TFEC: variants seen among roughly 807,000 people sequenced by gnomAD.
TFEC encodes the protein class E basic helix-loop-helix protein 34.
In TFEC, 31 loss-of-function variants were observed where a neutral mutation model predicts 41.6. That is an observed-to-expected ratio of 0.74 (90% CI 0.56 to 1.01). TFEC has a LOEUF of 1.01. Among genes scored for constraint, TFEC ranks in the 50% least tolerant of loss-of-function variants. The probability of loss-of-function intolerance (pLI) is 0.00; values close to 1 mark genes in which losing one functional copy is unlikely to be tolerated. For missense variants in TFEC, 402 were observed against 404.1 expected (o/e 0.99, Z 0.04); for synonymous variants, 143 against 140.6 (o/e 1.02, Z -0.12).
intron 3 of TFEC, among the ~76,000 whole-genome samples, chr7:116,060,575 G>A (rs1216605602): frequency 6.6e-6 from 1 of 152,118 alleles, no homozygotes; most frequent in Non-Finnish European, 1.5e-5. Flanking sequence ...CACGGATACA[G>A]CTGGGGGCTA....
intron 3 of TFEC, among the ~76,000 whole-genome samples, chr7:116,073,054 C>G (rs1222657904): frequency 6.6e-6 from 1 of 151,418 alleles, no homozygotes; most frequent in African/African-American, 2.4e-5. Context: ...TATACTATCT[C>G]TGTTTGTAGA....
At position 115,939,030 on chromosome 7, in the gene TFEC, A is replaced by C. The variant is rs983334220; in HGVS notation, c.*1521T>G. ...CACTTTCACTCAATTAATGCCTTTC[A>C]AAGAGAAGTCAAATTCTGCTGTTCC... On this transcript the variant is annotated 3_prime_UTR_variant, in exon 8 of 8. Transcript: ENST00000265440. The C allele has an allele frequency of 2.0e-5, 3 of 152,038 alleles. No individual in the cohort carries two copies. The highest frequency in any genetic ancestry group is 4.4e-5 in the Non-Finnish European group (3 of 67,950). 9.4% of individuals were successfully genotyped at this position (152,038 alleles called of 1,614,324 possible).
intron 3 of TFEC, among the ~76,000 whole-genome samples, chr7:116,066,952 T>C (rs940134812): frequency 1.3e-5 from 2 of 152,052 alleles, no homozygotes; most frequent in Admixed American, 6.6e-5. Flanking sequence ...AATGAAATAT[T>C]TGGAGTTTAA....
intron 3 of TFEC, among the ~76,000 whole-genome samples, chr7:116,104,187 TA>T: frequency 6.6e-6 from 1 of 152,242 alleles, no homozygotes; most frequent in African/African-American, 2.4e-5. Flanking sequence ...GAAATGTAGG[TA>T]TTGATTAATA....
Position 116,042,334 on chromosome 7 carries a change from T to G in TFEC, c.199-57821A>C, listed in dbSNP as rs377079623. On this transcript the variant is annotated intron_variant, in intron 3 of 8. Coordinates refer to the TFEC transcript ENST00000484212. ...GAAGAGAAAACAACTAAATGGGTTA[T>G]GTAGGCTCAGGGCAACACACACTGT... Among the ~76,000 whole-genome samples the G allele has an allele frequency of 1.4e-4, 21 of 152,296 alleles. No homozygotes were observed. The East Asian group carries it at 1.5e-3, about 11-fold the overall frequency.
intron 3 of TFEC, among the ~76,000 whole-genome samples, chr7:116,099,771 G>C (rs1399240392): frequency 6.6e-6 from 1 of 152,154 alleles, no homozygotes; most frequent in African/African-American, 2.4e-5. Flanking sequence ...TTAGGTCACT[G>C]ATTTTCATAG....
intron 4 of TFEC, among the ~76,000 whole-genome samples, chr7:115,955,098 G>A (rs1005777921): frequency 1.1e-4 from 16 of 151,948 alleles, no homozygotes; most frequent in African/African-American, 3.9e-4. Context: ...CATCCCAAGA[G>A]TTGCAACTCA....
intron 1 of TFEC, among the ~76,000 whole-genome samples, chr7:116,141,276 G>A (rs1257492425): frequency 1.3e-5 from 2 of 152,110 alleles, no homozygotes; most frequent in African/African-American, 4.8e-5. Context: ...AAAGGAGCTG[G>A]AACAATTTAA....
At chr7:116,133,479 T>A (rs1040559723) in intron 1 of TFEC, among the ~76,000 whole-genome samples, 11 of 149,482 alleles carry the variant, frequency 7.4e-5, no homozygotes, top group Middle Eastern at 3.2e-3. Context: ...GACATTGCAG[T>A]GAGCTGAGAT....
Position 116,042,901 on chromosome 7 carries a change from C to A in TFEC, c.199-58388G>T, listed in dbSNP as rs534903437. On this transcript the variant is annotated intron_variant, in intron 3 of 8. Coordinates refer to the TFEC transcript ENST00000484212. ...CTAATGACTCATATTCTTCAGAAAT[C>A]TAAAATAAACTTTCCTTACATTGAG... Among the ~76,000 whole-genome samples, 6 of 152,264 alleles carry A rather than the reference C, an allele frequency of 3.9e-5. No homozygotes were observed. The South Asian group carries it at 1.2e-3, about 32-fold the overall frequency.
chr7:115,944,939 C>T (rs771812413), intron 6 of TFEC, among the ~76,000 whole-genome samples: 8 of 150,692 alleles, frequency 5.3e-5, no homozygotes, highest in Non-Finnish European at 8.9e-5. Flanking sequence ...GTTTAAAATG[C>T]TGCATTTGTC....
chr7:116,105,607 A>G (rs890466725), intron 3 of TFEC, among the ~76,000 whole-genome samples: 7 of 152,172 alleles, frequency 4.6e-5, no homozygotes, highest in Non-Finnish European at 1.0e-4. Flanking sequence ...TGATGCTGCT[A>G]GGAAAACATG....
intron 3 of TFEC, among the ~76,000 whole-genome samples, chr7:115,960,101 C>A (rs928302463): frequency 6.7e-6 from 1 of 150,342 alleles, no homozygotes; most frequent in East Asian, 2.0e-4. Context: ...ATATATTATA[C>A]TAAAATGAAA....
intron 3 of TFEC, among the ~76,000 whole-genome samples, chr7:116,102,491 T>G (rs1797626628): frequency 6.6e-6 from 1 of 152,066 alleles, no homozygotes; most frequent in Admixed American, 6.6e-5. Context: ...ACAGAAATAA[T>G]GATGACAAAT....
chr7:116,143,020 C>G (rs1798572027), intron 1 of TFEC, among the ~76,000 whole-genome samples: 1 of 152,148 alleles, frequency 6.6e-6, no homozygotes. Flanking sequence ...TAGGCGTCAC[C>G]CTGTGACTAC....
intron 2 of TFEC, among the ~76,000 whole-genome samples, chr7:115,981,564 G>A (rs562465807): frequency 2.0e-5 from 3 of 151,972 alleles, no homozygotes; most frequent in African/African-American, 7.3e-5. Context: ...TGTGAATAAG[G>A]TATTGTATTT....
intron 1 of TFEC, among the ~76,000 whole-genome samples, chr7:116,020,787 C>T (rs2130853539): frequency 6.6e-6 from 1 of 151,416 alleles, no homozygotes; most frequent in African/African-American, 2.4e-5. Context: ...TTTTTAAGTA[C>T]AGGAGATAGC....
chr7:115,963,791 G>GTAAAATAA (rs1792696053), intron 3 of TFEC, among the ~76,000 whole-genome samples: 1 of 151,668 alleles, frequency 6.6e-6, no homozygotes, highest in Admixed American at 6.6e-5. Context: ...TGTTTAATGA[G>GTAAAATAA]TACAGAGTTT....
intron 3 of TFEC, among the ~76,000 whole-genome samples, chr7:116,057,334 T>C (rs1796453706): frequency 6.6e-6 from 1 of 151,936 alleles, no homozygotes; most frequent in Non-Finnish European, 1.5e-5. Flanking sequence ...GCCCTAAACA[T>C]CATTACTGAA....
Sources: gnomAD v4.1 joint callset for allele counts (sites outside exome capture counted in the v4.1 genomes callset) on GRCh38, gnomAD v4.1.1 for gene constraint, MANE v1.5 for transcripts, NCBI Gene and HGNC (gene_info 2026-07-23, HGNC 2026-07-21) for gene names.